COL24A1: variants seen among roughly 807,000 people sequenced by gnomAD.
COL24A1 encodes collagen alpha-1(XXIV) chain.
Under a neutral mutation model 253.9 loss-of-function variants are expected in COL24A1, and 224 were observed. The observed-to-expected ratio is 0.88, with a 90% CI of 0.79 to 0.99. The LOEUF (loss-of-function observed/expected upper bound fraction) is 0.99. COL24A1 is among the 50% of genes least tolerant of loss of function. The pLI, the probability that COL24A1 is intolerant of heterozygous loss-of-function variation, is 0.00. For synonymous variants in COL24A1, 685 were observed against 673.7 expected, an observed-to-expected ratio of 1.02 and a Z score of -0.26; for missense variants, 2,131 against 2,068.5, an observed-to-expected ratio of 1.03 and a Z score of -0.59.
At chr1:85,967,430 G>C (rs1222615840) in intron 22 of COL24A1, among the ~76,000 whole-genome samples, 2 of 152,192 alleles carry the variant, frequency 1.3e-5, no homozygotes, top group Non-Finnish European at 2.9e-5. Flanking sequence ...ACAATGGAAA[G>C]GCAGCAGAAT....
intron 42 of COL24A1, among the ~76,000 whole-genome samples, chr1:85,839,123 C>T (rs1450590780): frequency 6.6e-6 from 1 of 151,996 alleles, no homozygotes; most frequent in Non-Finnish European, 1.5e-5. Flanking sequence ...CACTTGAGCC[C>T]AGGAGGTCGA....
intron 11 of COL24A1, among the ~76,000 whole-genome samples, chr1:86,048,208 CAT>C (rs1180199550): frequency 1.3e-5 from 2 of 152,076 alleles, no homozygotes; most frequent in Non-Finnish European, 2.9e-5. Flanking sequence ...GTACATGTTT[CAT>C]ATGTGTACAT....
intron 27 of COL24A1, 136 bp downstream of exon 27, chr1:85,908,462 G>T: frequency 2.0e-6 from 1 of 500,348 alleles, no homozygotes; most frequent in Non-Finnish European, 3.6e-6. Flanking sequence ...GTTTTGTATA[G>T]TTGGGAGAGA....
At chr1:85,930,757 C>G in intron 24 of COL24A1, among the ~76,000 whole-genome samples, 1 of 4,156 alleles carries the variant, frequency 2.4e-4, no homozygotes, top group South Asian at 0.011. Flanking sequence ...GGCTTCATCC[C>G]TGGGATGCAA....
intron 45 of COL24A1, 80 bp from the exon 46 acceptor site, chr1:85,818,167 T>C (rs748647543): frequency 4.5e-6 from 5 of 1,109,354 alleles, no homozygotes; most frequent in Non-Finnish European, 6.8e-6. Context: ...CACTGAGACC[T>C]GGACGCTGCA....
At chr1:85,990,528 C>T (rs1428817639) in intron 19 of COL24A1, among the ~76,000 whole-genome samples, 1 of 152,202 alleles carries the variant, frequency 6.6e-6, no homozygotes, top group Non-Finnish European at 1.5e-5. Flanking sequence ...GTAATGCTTG[C>T]TCACCTGCCA....
intron 11 of COL24A1, among the ~76,000 whole-genome samples, chr1:86,048,455 A>C (rs1328784561): frequency 6.6e-6 from 1 of 152,078 alleles, no homozygotes; most frequent in African/African-American, 2.4e-5. Context: ...CCAATATCAC[A>C]AACTGATCTT....
chr1:85,758,235 T>C (rs1666466611), intron 55 of COL24A1, among the ~76,000 whole-genome samples: 1 of 151,256 alleles, frequency 6.6e-6, no homozygotes. Flanking sequence ...CCCCTCTTTA[T>C]GATAGAAGTT....
intron 28 of COL24A1, among the ~76,000 whole-genome samples, chr1:85,906,574 T>C (rs1684861086): frequency 6.6e-6 from 1 of 151,796 alleles, no homozygotes; most frequent in South Asian, 2.1e-4. Flanking sequence ...ATAATATTTT[T>C]CTCTCTCTAG....
chr1:85,883,365 G>A (rs1346205825), intron 32 of COL24A1, among the ~76,000 whole-genome samples: 1 of 151,778 alleles, frequency 6.6e-6, no homozygotes, highest in Non-Finnish European at 1.5e-5. Flanking sequence ...GACTACAGGA[G>A]AGTCCCACCA....
chr1:86,127,711 G>A (rs1256375229), intron 2 of COL24A1, among the ~76,000 whole-genome samples: 2 of 151,970 alleles, frequency 1.3e-5, no homozygotes, highest in Non-Finnish European at 2.9e-5. Context: ...AGCCAGGAAC[G>A]TTTGGCATCA....
intron 5 of COL24A1, among the ~76,000 whole-genome samples, chr1:86,098,521 G>A (rs1390724384): frequency 1.3e-5 from 2 of 152,156 alleles, no homozygotes; most frequent in African/African-American, 4.8e-5. Context: ...TCAGCTGCTG[G>A]TCACCACAGG....
intron 24 of COL24A1, among the ~76,000 whole-genome samples, chr1:85,925,661 C>T (rs1361327735): frequency 1.3e-5 from 2 of 152,086 alleles, no homozygotes; most frequent in Non-Finnish European, 2.9e-5. Context: ...ACACCTTATA[C>T]AAAAATTAAT....
At chr1:86,046,154 T>C (rs1205625811) in intron 12 of COL24A1, among the ~76,000 whole-genome samples, 4 of 152,204 alleles carry the variant, frequency 2.6e-5, no homozygotes, top group Non-Finnish European at 4.4e-5. Context: ...AGTCCTTTAG[T>C]ATTATCATTA....
chr1:85,968,312 C>T (rs1160007528), intron 22 of COL24A1, among the ~76,000 whole-genome samples: 30 of 152,134 alleles, frequency 2.0e-4, no homozygotes, highest in Non-Finnish European at 1.2e-4. Context: ...GGGACCCCTG[C>T]TATATTGGAT....
intron 42 of COL24A1, among the ~76,000 whole-genome samples, chr1:85,840,687 T>C (rs146627560): frequency 9.9e-4 from 151 of 152,262 alleles, no homozygotes; most frequent in East Asian, 3.9e-3. Flanking sequence ...AAAGCTATAA[T>C]AGCTACTTTT....
chr1:86,004,114 C>CA (rs1274401275), intron 19 of COL24A1, among the ~76,000 whole-genome samples: 1 of 152,004 alleles, frequency 6.6e-6, no homozygotes, highest in Non-Finnish European at 1.5e-5. Flanking sequence ...CATTTGTCAG[C>CA]AAAAAAAGAC....
chr1:85,780,471 T>C (rs1558096707), intron 52 of COL24A1, among the ~76,000 whole-genome samples: 1 of 152,188 alleles, frequency 6.6e-6, no homozygotes, highest in African/African-American at 2.4e-5. Flanking sequence ...TTTTATGTTT[T>C]ATTTCATAGC....
Position 85,745,488 on chromosome 1 carries a change from C to G in COL24A1, c.4456G>C (p.Ala1486Pro). ...PGPRKQMDIN[A>P]AIQALIESNT... ...GATTCAATCAAGGCTTGAATAGCAG[C>G]ATTGATATCCATTTGCTTCTGTGTA... The change falls in exon 56 of 60, where the codon GCT (alanine) becomes CCT (proline). Residue 1486 changes from alanine to proline, a missense_variant. Physicochemically the swap from Ala to Pro is conservative, Grantham distance 27. Coordinates refer to ENST00000370571, the MANE Select transcript of COL24A1 (RefSeq NM_152890.7). 1 of 1,609,716 alleles carries G rather than the reference C, an allele frequency of 6.2e-7. No homozygotes were observed. The highest frequency in any genetic ancestry group is 8.5e-7 in the Non-Finnish European group (1 of 1,178,294).
Sources: allele counts gnomAD v4.1 joint callset (sites outside exome capture counted in the v4.1 genomes callset), GRCh38; gene constraint gnomAD v4.1.1; transcripts MANE v1.5; gene names NCBI Gene and HGNC (gene_info 2026-07-23, HGNC 2026-07-21).